FSTL4: variants seen among roughly 807,000 people sequenced by gnomAD.
FSTL4 encodes follistatin-related protein 4.
In FSTL4, 28 loss-of-function variants were observed where a neutral mutation model predicts 78.2. The ratio of observed to expected loss-of-function variants is 0.36; its 90% CI spans 0.27 to 0.49. The LOEUF (loss-of-function observed/expected upper bound fraction) is 0.49. FSTL4 is among the 20% of genes least tolerant of loss of function. FSTL4 has a pLI of 0.98. For synonymous variants in FSTL4, 422 were observed against 440.5 expected (o/e 0.96, Z 0.53); for missense variants, 922 against 1,084.9 (o/e 0.85, Z 2.11).
At chr5:133,737,991 C>G in the FSTL4 span, among the ~76,000 whole-genome samples, 1 of 152,108 alleles carries the variant, frequency 6.6e-6, no homozygotes, top group Non-Finnish European at 1.5e-5. Flanking sequence ...ACCCTTGAGG[C>G]CTCCCCAGCA....
chr5:133,323,185 G>C (rs1229237813), intron 4 of FSTL4, among the ~76,000 whole-genome samples: 3 of 152,162 alleles, frequency 2.0e-5, no homozygotes, highest in Non-Finnish European at 4.4e-5. Context: ...AGAACACTGG[G>C]TGGAGGATCA....
chr5:133,297,199 G>A (rs1188757673), intron 6 of FSTL4, among the ~76,000 whole-genome samples: 1 of 152,206 alleles, frequency 6.6e-6, no homozygotes, highest in African/African-American at 2.4e-5. Flanking sequence ...AAAGCATTTT[G>A]CAAATGCGTA....
chr5:133,733,946 T>C, the FSTL4 span, among the ~76,000 whole-genome samples: 17 of 152,238 alleles, frequency 1.1e-4, no homozygotes, highest in Non-Finnish European at 2.9e-5. Context: ...CCTCCCCATG[T>C]GGACGTTTCT....
chr5:133,748,080 G>T, the FSTL4 span, among the ~76,000 whole-genome samples: 1 of 152,070 alleles, frequency 6.6e-6, no homozygotes, highest in African/African-American at 2.4e-5. Context: ...TGTAGTCCCA[G>T]CTACTCGAGA....
intron 3 of FSTL4, among the ~76,000 whole-genome samples, chr5:133,437,390 G>T (rs1386680018): frequency 1.3e-5 from 2 of 151,664 alleles, no homozygotes; most frequent in African/African-American, 4.8e-5. Context: ...CAGAACACAG[G>T]ATTGCTCATT....
chr5:133,777,398 G>A, the FSTL4 span, among the ~76,000 whole-genome samples: 1 of 152,196 alleles, frequency 6.6e-6, no homozygotes, highest in Non-Finnish European at 1.5e-5. Context: ...ACATTTCTCT[G>A]TATTTAACAA....
chr5:133,369,953 C>T (rs1180409467), intron 4 of FSTL4, among the ~76,000 whole-genome samples: 1 of 151,528 alleles, frequency 6.6e-6, no homozygotes, highest in African/African-American at 2.4e-5. Context: ...GCCAGTGAGG[C>T]GCTGCTGATT....
At chr5:133,553,855 T>C (rs901667124) in intron 3 of FSTL4, among the ~76,000 whole-genome samples, 1 of 152,198 alleles carries the variant, frequency 6.6e-6, no homozygotes, top group Non-Finnish European at 1.5e-5. Context: ...TGTTGGACAC[T>C]GTGCCACCCT....
At chr5:133,555,813 A>T (rs1374105181) in intron 3 of FSTL4, among the ~76,000 whole-genome samples, 4 of 152,216 alleles carry the variant, frequency 2.6e-5, no homozygotes, top group African/African-American at 9.6e-5. Flanking sequence ...GCAGGGGCTC[A>T]CACAAATGAT....
chr5:133,240,623 CT>C (rs1365461940), intron 7 of FSTL4, among the ~76,000 whole-genome samples: 6 of 152,172 alleles, frequency 3.9e-5, no homozygotes, highest in Admixed American at 1.3e-4. Context: ...TGCGGTCAGT[CT>C]TCTTCTGACT....
chr5:133,637,977 T>TAAA, the FSTL4 span, among the ~76,000 whole-genome samples: 1 of 138,352 alleles, frequency 7.2e-6, no homozygotes, highest in South Asian at 2.3e-4. Context: ...ATAATAATAA[T>TAAA]AAATTAATTA....
At chr5:133,717,254 T>C in the FSTL4 span, among the ~76,000 whole-genome samples, 1 of 152,240 alleles carries the variant, frequency 6.6e-6, no homozygotes, top group Non-Finnish European at 1.5e-5. Flanking sequence ...TATGCAGCAA[T>C]AAAAAGAGCC....
At chr5:133,538,217 T>C (rs1759393478) in intron 3 of FSTL4, among the ~76,000 whole-genome samples, 1 of 152,162 alleles carries the variant, frequency 6.6e-6, no homozygotes. Context: ...TTCCTCAGCC[T>C]TTCTGTCTCT....
chr5:133,839,918 G>A, the FSTL4 span, among the ~76,000 whole-genome samples: 486 of 152,332 alleles, frequency 3.2e-3, 1 homozygote, highest in African/African-American at 0.011. Context: ...TCTTGTGTGA[G>A]CTTCATTTCT....
chr5:133,788,852 A>G, the FSTL4 span, among the ~76,000 whole-genome samples: 1 of 152,188 alleles, frequency 6.6e-6, no homozygotes, highest in African/African-American at 2.4e-5. Context: ...GACAGAGCCA[A>G]AATCAATTTA....
intron 3 of FSTL4, among the ~76,000 whole-genome samples, chr5:133,491,059 A>C (rs538584356): frequency 9.8e-5 from 15 of 152,332 alleles, no homozygotes; most frequent in African/African-American, 3.1e-4. Flanking sequence ...TGCAACATGC[A>C]GTTTACCCAC....
the FSTL4 span, among the ~76,000 whole-genome samples, chr5:133,740,933 CTGGATGGATGGATGGATGGA>C: frequency 3.4e-5 from 5 of 148,850 alleles, no homozygotes; most frequent in African/African-American, 5.0e-5. Context: ...AAGTCAGCCT[CTGGATGGATGGATGGATGGA>C]TGGATGGATG....
chr5:133,627,039 A>T, the FSTL4 span, among the ~76,000 whole-genome samples: 2 of 151,658 alleles, frequency 1.3e-5, no homozygotes, highest in Non-Finnish European at 2.9e-5. Context: ...TTCTTTCAGT[A>T]CCTGCTTCAC....
chr5:133,427,474 G>C, intron 3 of FSTL4: 1 of 376,676 alleles, frequency 2.7e-6, no homozygotes, highest in South Asian at 2.3e-5. Flanking sequence ...GGAAACTGTT[G>C]GTAAGTGAAA....
Sources: gnomAD v4.1 joint callset for allele counts (sites outside exome capture counted in the v4.1 genomes callset) on GRCh38, gnomAD v4.1.1 for gene constraint, MANE v1.5 for transcripts, NCBI Gene and HGNC (gene_info 2026-07-23, HGNC 2026-07-21) for gene names.